The following PEMT variants were observed in gnomAD, a reference collection of about 807,000 sequenced individuals.
PEMT encodes the protein phospholipid methyltransferase.
In PEMT, 23 loss-of-function variants were observed where a neutral mutation model predicts 27.4. That is an observed-to-expected ratio of 0.84 (90% CI 0.60 to 1.19). The LOEUF is 1.19. Among genes scored for constraint, PEMT ranks in the 50% most tolerant of loss-of-function variants. The pLI, the probability that PEMT is intolerant of heterozygous loss-of-function variation, is 0.00. For missense variants in PEMT, 307 were observed against 310.1 expected, an observed-to-expected ratio of 0.99 and a Z score of 0.07; for synonymous variants, 137 against 139.1, an observed-to-expected ratio of 0.98 and a Z score of 0.11.
chr17:17,507,707 A>C, intron 5 of PEMT: 1 of 141,582 alleles, frequency 7.1e-6, no homozygotes. Context: ...GGGGTCCTAC[A>C]TGCCGGGGAG....
rs1907469452 is a variant in PEMT, at chr17:17,523,893, A to G, written c.205-1498T>C. Among the ~76,000 whole-genome samples, 1 of 151,846 alleles carries G rather than the reference A, an allele frequency of 6.6e-6. No homozygotes were observed. Among genetic ancestry groups the G allele is most frequent in the South Asian group, 2.1e-4 (1 of 4,808 alleles). ...CGGTCTAAGTCCAGAACATTTCATC[A>G]CCCCAAGTAGAAACCCCGTCCTCCC... On this transcript the variant is annotated intron_variant, in intron 2 of 6. Transcript: ENST00000255389. The surrounding 1 kb of genome is among the most constrained non-coding windows in gnomAD (Gnocchi z 4.8).
chr17:17,517,761 C>T (rs574100209), intron 3 of PEMT, among the ~76,000 whole-genome samples: 1 of 152,362 alleles, frequency 6.6e-6, no homozygotes, highest in South Asian at 2.1e-4. Flanking sequence ...GAGTCCCCAC[C>T]TGCCCTGCCC....
chr17:17,562,326 G>A (rs1416286646), intron 2 of PEMT, among the ~76,000 whole-genome samples: 1 of 152,186 alleles, frequency 6.6e-6, no homozygotes, highest in African/African-American at 2.4e-5. Flanking sequence ...CGGCAGCCAC[G>A]ACAGTGGCAG....
At chr17:17,509,694 C>T (rs2142505239) in intron 4 of PEMT, 149 bp from the exon 5 acceptor site, 1 of 651,220 alleles carries the variant, frequency 1.5e-6, no homozygotes, top group East Asian at 2.8e-5. Flanking sequence ...CAACAATGGG[C>T]AGAGTCAGAG....
In PEMT at chr17:17,512,435, C is replaced by T; in HGVS notation, c.466+74G>A. On this transcript the variant is annotated intron_variant, in intron 4 of 6. Coordinates refer to ENST00000255389, the MANE Select transcript of PEMT (RefSeq NM_148172.3). The surrounding 1 kb of genome is among the most constrained non-coding windows in gnomAD (Gnocchi z 6.3). ...ACCGATGTCACGGATAGCAGGGCAG[C>T]AGCCACCTGGCCCTGCACCTCCCTG... The T allele has an allele frequency of 1.5e-6, 2 of 1,337,788 alleles. No individual in the cohort carries two copies. Among genetic ancestry groups the T allele is most frequent in the Non-Finnish European group, 2.0e-6 (2 of 1,015,818 alleles). 82.9% of individuals were successfully genotyped at this position (1,337,788 alleles called of 1,614,324 possible). A position where few individuals can be genotyped will look rare whatever the true frequency, so the allele number is the denominator to read the frequency against.
At chr17:17,514,172 G>A (rs980575753) in intron 3 of PEMT, among the ~76,000 whole-genome samples, 7 of 152,290 alleles carry the variant, frequency 4.6e-5, no homozygotes, top group East Asian at 1.9e-4. Flanking sequence ...TCATCCACTC[G>A]TTCCATTCAT....
At chr17:17,531,568 G>A (rs1193117189) in intron 2 of PEMT, among the ~76,000 whole-genome samples, 2 of 142,670 alleles carry the variant, frequency 1.4e-5, no homozygotes, top group African/African-American at 5.4e-5. Context: ...GCAATTCAGT[G>A]GAGAAAGGAC....
chr17:17,563,741 G>A (rs545557322), intron 2 of PEMT, among the ~76,000 whole-genome samples: 328 of 152,290 alleles, frequency 2.2e-3, no homozygotes, highest in Non-Finnish European at 3.2e-3. Context: ...AGGAAGGGAC[G>A]CTATGCTCAT....
At position 17,512,218 on chromosome 17, in the gene PEMT, G is replaced by A. The variant is rs573158961; in HGVS notation, c.466+291C>T. On this transcript the variant is annotated intron_variant, in intron 4 of 6. Coordinates refer to ENST00000255389, the MANE Select transcript of PEMT (RefSeq NM_148172.3). This position sits in a 1 kb window ranked among gnomAD's most constrained non-coding sequence, Gnocchi z 6.3. ...AGGAGTCCTGCACCCAGCCCGGGCC[G>A]CAGAACGGGCATTGAGTGCATCTTC... Among the ~76,000 whole-genome samples, 7 of 152,334 alleles carry A rather than the reference G, an allele frequency of 4.6e-5. No homozygotes were observed. In the South Asian group the frequency reaches 1.0e-3, roughly 23 times the overall value.
chr17:17,570,484 C>T, intron 2 of PEMT: 1 of 984,364 alleles, frequency 1.0e-6, no homozygotes, highest in Non-Finnish European at 1.2e-6. Flanking sequence ...CCTGTAGTGC[C>T]AGGGATGGCC....
Position 17,576,811 on chromosome 17 carries a change from GCTGTCTGT to G in PEMT, c.204+101_204+108del. The G allele has an allele frequency of 4.8e-6, 4 of 828,668 alleles. 1 individual carries two copies. In the South Asian group the frequency reaches 5.7e-5, roughly 12 times the overall value. The allele number at this position is 828,668 out of a possible 1,614,324, so 51.3% of individuals were successfully genotyped here. ...GACAGACACGGGAGGGAAGAGCAGAGCTGTCTGTCTGTCTGGCCAGCCAGCAGCAACCA... is the reference window on the plus strand; with the variant it reads ...GACAGACACGGGAGGGAAGAGCAGAGCTGTCTGGCCAGCCAGCAGCAACCA... On this transcript the variant is annotated intron_variant, in intron 2 of 6. Transcript: ENST00000255389.
At position 17,582,287 on chromosome 17, in the gene PEMT, A is replaced by G. The variant is rs1483960164; in HGVS notation, c.97-5260T>C. ...CCCACCACGGCCAGGAGGTCTGCTG[A>G]GCTGCAGGAATAGCTCGAGTCCCAC... On this transcript the variant is annotated intron_variant, in intron 1 of 6. Coordinates refer to ENST00000255389, the MANE Select transcript of PEMT (RefSeq NM_148172.3). The surrounding 1 kb of genome is among the most constrained non-coding windows in gnomAD (Gnocchi z 4.9). The G allele has an allele frequency of 1.0e-6, 1 of 985,436 alleles. No homozygotes were observed. The highest frequency in any genetic ancestry group is 1.2e-6 in the Non-Finnish European group (1 of 830,018). The allele number at this position is 985,436 out of a possible 1,614,324, so 61.0% of individuals were successfully genotyped here.
At chr17:17,527,247 G>A (rs967264115) in intron 2 of PEMT, among the ~76,000 whole-genome samples, 10 of 152,322 alleles carry the variant, frequency 6.6e-5, no homozygotes, top group Admixed American at 5.9e-4. Context: ...ATGTTGGTTA[G>A]GCTGGTCTCA....
At chr17:17,546,413 C>T (rs1173678986) in intron 2 of PEMT, among the ~76,000 whole-genome samples, 1 of 152,242 alleles carries the variant, frequency 6.6e-6, no homozygotes, top group South Asian at 2.1e-4. Flanking sequence ...AGCAGCAGGG[C>T]TTTCTCCACC....
intron 1 of PEMT, among the ~76,000 whole-genome samples, chr17:17,580,851 C>G (rs1453620168): frequency 1.3e-5 from 2 of 152,188 alleles, no homozygotes; most frequent in Admixed American, 6.5e-5. Flanking sequence ...GCCGGTTGCT[C>G]CCCAGGGCAC....
Position 17,582,123 on chromosome 17 carries a change from T to A in PEMT, c.97-5096A>T. ...CTTCACACCTGTGACCAAAGGGCGG[T>A]CTCCCATCCACTCCCAGCCCCAACC... On this transcript the variant is annotated intron_variant, in intron 1 of 6. Transcript: ENST00000255389. This position sits in a 1 kb window ranked among gnomAD's most constrained non-coding sequence, Gnocchi z 4.9. 7.1e-6 allele frequency: 2 copies of A among 281,946 alleles called. No homozygotes were observed. The highest frequency in any genetic ancestry group is 1.1e-5 in the Non-Finnish European group (2 of 186,936). 17.5% of individuals were successfully genotyped at this position (281,946 alleles called of 1,614,324 possible). A position where few individuals can be genotyped will look rare whatever the true frequency, so the allele number is the denominator to read the frequency against.
At chr17:17,519,909 G>A (rs1907137297) in intron 3 of PEMT, among the ~76,000 whole-genome samples, 1 of 152,238 alleles carries the variant, frequency 6.6e-6, no homozygotes, top group Admixed American at 6.5e-5. Context: ...CAGTCACCTG[G>A]CCTGGTCTAG....
chr17:17,546,550 A>G (rs1027918131), intron 2 of PEMT, among the ~76,000 whole-genome samples: 1 of 152,244 alleles, frequency 6.6e-6, no homozygotes, highest in African/African-American at 2.4e-5. Context: ...GGCCCCGGGA[A>G]GAAAATTACA....
intron 1 of PEMT, 139 bp downstream of exon 1, chr17:17,591,392 A>ACCCCC: frequency 4.1e-6 from 2 of 490,920 alleles, no homozygotes; most frequent in East Asian, 4.8e-5. Flanking sequence ...CGGCTCCCCC[A>ACCCCC]CCCCCGCCAC....
Sources: gnomAD v4.1 joint callset for allele counts (sites outside exome capture counted in the v4.1 genomes callset) on GRCh38, gnomAD v4.1.1 for gene constraint, Gnocchi (gnomAD v3.1) non-coding constraint, MANE v1.5 for transcripts, NCBI Gene and HGNC (gene_info 2026-07-23, HGNC 2026-07-21) for gene names.